The following PTPRG variants were observed in gnomAD, a reference collection of about 807,000 sequenced individuals.
PTPRG encodes receptor-type tyrosine-protein phosphatase gamma.
PTPRG carries 102 observed loss-of-function variants against 165.3 expected under a neutral mutation model. That is an observed-to-expected ratio of 0.62 (90% CI 0.53 to 0.73). The LOEUF is 0.73. PTPRG is among the 30% of genes least tolerant of loss of function. PTPRG has a pLI of 0.00. For synonymous variants in PTPRG, 675 were observed against 669.5 expected (o/e 1.01, Z -0.13); for missense variants, 1,866 against 1,861.4 (o/e 1.00, Z -0.05).
chr3:61,740,530 G>T (rs1207133296), intron 1 of PTPRG, among the ~76,000 whole-genome samples: 2 of 151,884 alleles, frequency 1.3e-5, no homozygotes, highest in Non-Finnish European at 2.9e-5. Context: ...GTCCATTTTA[G>T]CCCTTATTTA....
In PTPRG at chr3:61,706,151, G is replaced by A. The variant is rs73099139; in HGVS notation, c.86-42727G>A. Among the ~76,000 whole-genome samples the A allele has an allele frequency of 6.2e-3, 950 of 152,052 alleles. 5 individuals are homozygous for A. Among genetic ancestry groups the A allele is most frequent in the Admixed American group, 0.011 (169 of 15,264 alleles). ...GACACTTTGCAGTGCCTTAAAGAGA[G>A]CTTTTAAAATTTTGGGCTATCACTA... On this transcript the variant is annotated intron_variant, in intron 1 of 29. Transcript: ENST00000474889.
At chr3:62,251,381 G>GC (rs1701414271) in intron 15 of PTPRG, among the ~76,000 whole-genome samples, 1 of 150,542 alleles carries the variant, frequency 6.6e-6, no homozygotes, top group African/African-American at 2.5e-5. Flanking sequence ...AGGTGTGGTG[G>GC]CATGGGCCTG....
chr3:61,852,475 C>T (rs72882216), intron 2 of PTPRG, among the ~76,000 whole-genome samples: 1,797 of 152,268 alleles, frequency 0.012, 32 homozygotes, highest in African/African-American at 0.04. Context: ...TTGCATACTT[C>T]GGATTTTCTT....
intron 2 of PTPRG, among the ~76,000 whole-genome samples, chr3:61,952,151 A>G (rs899928889): frequency 1.3e-5 from 2 of 150,646 alleles, no homozygotes; most frequent in African/African-American, 4.9e-5. Context: ...AGACAGTATC[A>G]GAATCCCAGT....
At chr3:61,906,475 AC>A (rs1456745021) in intron 2 of PTPRG, among the ~76,000 whole-genome samples, 20 of 151,870 alleles carry the variant, frequency 1.3e-4, no homozygotes, top group African/African-American at 4.6e-4. Flanking sequence ...GGAAAAAAAA[AC>A]ATATATATAT....
At chr3:62,101,316 A>T (rs1702283182) in intron 5 of PTPRG, among the ~76,000 whole-genome samples, 1 of 152,234 alleles carries the variant, frequency 6.6e-6, no homozygotes, top group African/African-American at 2.4e-5. Flanking sequence ...AGAAAACTTT[A>T]ACATAGAACT....
intron 15 of PTPRG, among the ~76,000 whole-genome samples, chr3:62,250,733 G>A (rs577675297): frequency 7.9e-5 from 12 of 152,220 alleles, no homozygotes; most frequent in African/African-American, 2.4e-4. Context: ...TGAGGTCAGC[G>A]TTATCTCAGC....
At chr3:61,671,135 T>A (rs1049156488) in intron 1 of PTPRG, among the ~76,000 whole-genome samples, 21 of 100,870 alleles carry the variant, frequency 2.1e-4, no homozygotes, top group Non-Finnish European at 4.0e-4. Flanking sequence ...CTGTATGAAC[T>A]TTCTTTTTTT....
intron 2 of PTPRG, among the ~76,000 whole-genome samples, chr3:61,940,226 AGGCGTGAGCCACC>A: frequency 6.6e-6 from 1 of 152,212 alleles, no homozygotes; most frequent in South Asian, 2.1e-4. Context: ...CTGGGATTAC[AGGCGTGAGCCACC>A]GTGCCCAGGC....
intron 2 of PTPRG, among the ~76,000 whole-genome samples, chr3:61,776,705 T>TG (rs1275550521): frequency 6.6e-6 from 1 of 152,108 alleles, no homozygotes; most frequent in Non-Finnish European, 1.5e-5. Flanking sequence ...TGCCACGGTC[T>TG]GTCTTGTCAT....
chr3:62,198,234 T>C (rs1014149526), intron 10 of PTPRG, among the ~76,000 whole-genome samples: 8 of 152,352 alleles, frequency 5.3e-5, no homozygotes, highest in African/African-American at 1.9e-4. Flanking sequence ...ATAAGTTATT[T>C]CATCTGAACC....
chr3:62,026,182 A>G (rs2041799729), intron 4 of PTPRG, among the ~76,000 whole-genome samples: 1 of 152,208 alleles, frequency 6.6e-6, no homozygotes, highest in African/African-American at 2.4e-5. Context: ...AGCAGCTTTT[A>G]TCACATACAA....
intron 4 of PTPRG, among the ~76,000 whole-genome samples, chr3:62,019,522 CAA>C (rs57682254): frequency 0.39 from 36,507 of 93,166 alleles, 4,014 homozygotes; most frequent in Admixed American, 0.43. Flanking sequence ...GACCCCATCT[CAA>C]AAAAAAAAAA....
At position 62,281,537 on chromosome 3, in the gene PTPRG, G is replaced by GTTTTTTTTTTTTTTTTTTT. The variant is rs778994257; in HGVS notation, c.3766-26_3766-25insTTTTTTTTTTTTTTTTTTT. On this transcript the variant is annotated intron_variant, in intron 26 of 29. Coordinates refer to ENST00000474889, the MANE Select transcript of PTPRG (RefSeq NM_002841.4). ...ACAAATCCTTGACAGAACTGCAGAGGCTTTTTTTTTTTTTGGATTCCAAAG... is the reference window on the plus strand; with the variant it reads ...ACAAATCCTTGACAGAACTGCAGAGGTTTTTTTTTTTTTTTTTTTCTTTTTTTTTTTTTGGATTCCAAAG... 1.3e-4 allele frequency: 23 copies of GTTTTTTTTTTTTTTTTTTT among 175,024 alleles called. 2 individuals carry two copies. Among genetic ancestry groups the GTTTTTTTTTTTTTTTTTTT allele is most frequent in the Admixed American group, 2.7e-4 (1 of 3,740 alleles). 10.8% of individuals were successfully genotyped at this position (175,024 alleles called of 1,614,324 possible). A position where few individuals can be genotyped will look rare whatever the true frequency, so the allele number is the denominator to read the frequency against.
intron 1 of PTPRG, among the ~76,000 whole-genome samples, chr3:61,735,749 GTCTT>G (rs1370764843): frequency 2.0e-5 from 3 of 152,128 alleles, no homozygotes; most frequent in Non-Finnish European, 4.4e-5. Flanking sequence ...TAAAGACAAA[GTCTT>G]TCTCATTGTG....
chr3:61,983,809 C>T (rs1444984169), intron 2 of PTPRG, among the ~76,000 whole-genome samples: 1 of 152,004 alleles, frequency 6.6e-6, no homozygotes, highest in Non-Finnish European at 1.5e-5. Context: ...TGTTGTTGAC[C>T]AGTTTTATTT....
intron 1 of PTPRG, among the ~76,000 whole-genome samples, chr3:61,634,126 G>A (rs149718330): frequency 8.9e-4 from 136 of 152,022 alleles, no homozygotes; most frequent in African/African-American, 3.1e-3. Context: ...ATATTGGCCA[G>A]GCTGTTCTTG....
chr3:61,724,681 G>T (rs1001779088), intron 1 of PTPRG, among the ~76,000 whole-genome samples: 1 of 151,872 alleles, frequency 6.6e-6, no homozygotes, highest in East Asian at 1.9e-4. Context: ...TTATTTTAGC[G>T]ATTCTGATAG....
chr3:61,720,228 A>G (rs1374378470), intron 1 of PTPRG, among the ~76,000 whole-genome samples: 1 of 151,818 alleles, frequency 6.6e-6, no homozygotes, highest in African/African-American at 2.4e-5. Context: ...GGTTCAAGCA[A>G]TTCTCCTGCC....
Sources: allele counts gnomAD v4.1 joint callset (sites outside exome capture counted in the v4.1 genomes callset), GRCh38; gene constraint gnomAD v4.1.1; transcripts MANE v1.5; gene names NCBI Gene and HGNC (gene_info 2026-07-23, HGNC 2026-07-21).